Variants in GALNTL6 observed in about 807,000 individuals in gnomAD.
GALNTL6 encodes the protein polypeptide N-acetylgalactosaminyltransferase-like 6.
Under a neutral mutation model 73.7 loss-of-function variants are expected in GALNTL6, and 46 were observed. The observed-to-expected ratio is 0.62, with a 90% CI of 0.49 to 0.80. GALNTL6 has a LOEUF of 0.80. GALNTL6 is among the 30% of genes least tolerant of loss of function. The probability of loss-of-function intolerance (pLI) is 0.00; values close to 1 mark genes in which losing one functional copy is unlikely to be tolerated. For synonymous variants in GALNTL6, 259 were observed against 263.7 expected, an observed-to-expected ratio of 0.98 and a Z score of 0.17; for missense variants, 604 against 755.0, an observed-to-expected ratio of 0.80 and a Z score of 2.34.
At chr4:172,602,982 T>G (rs976465668) in intron 5 of GALNTL6, among the ~76,000 whole-genome samples, 2 of 152,188 alleles carry the variant, frequency 1.3e-5, no homozygotes, top group Non-Finnish European at 2.9e-5. Context: ...GAGTTACTCA[T>G]AATGTTTCAT....
At chr4:171,921,600 G>T (rs1215375429) in intron 2 of GALNTL6, among the ~76,000 whole-genome samples, 1 of 152,066 alleles carries the variant, frequency 6.6e-6, no homozygotes, top group Non-Finnish European at 1.5e-5. Flanking sequence ...CTAGGGAAAA[G>T]CTGCAGAAAT....
intron 12 of GALNTL6, among the ~76,000 whole-genome samples, chr4:173,032,804 A>G (rs1579806865): frequency 1.3e-5 from 2 of 152,020 alleles, no homozygotes; most frequent in African/African-American, 4.8e-5. Flanking sequence ...GCAGGCATCT[A>G]ACACATCAGG....
chr4:172,182,660 G>GT (rs1435265856), intron 2 of GALNTL6, among the ~76,000 whole-genome samples: 2 of 151,454 alleles, frequency 1.3e-5, no homozygotes, highest in Non-Finnish European at 2.9e-5. Context: ...TTTCTAGGGG[G>GT]GAGTAAAAAT....
intron 5 of GALNTL6, among the ~76,000 whole-genome samples, chr4:172,804,690 C>T (rs1740850879): frequency 6.6e-6 from 1 of 152,174 alleles, no homozygotes; most frequent in Non-Finnish European, 1.5e-5. Context: ...GGAACAATCC[C>T]TCAAAGCTTT....
chr4:172,516,965 G>A (rs941002435), intron 5 of GALNTL6, among the ~76,000 whole-genome samples: 4 of 152,098 alleles, frequency 2.6e-5, no homozygotes, highest in African/African-American at 9.7e-5. Context: ...ACTTATGTGA[G>A]GTATCTACAG....
chr4:172,751,359 G>A (rs1737411053), intron 5 of GALNTL6, among the ~76,000 whole-genome samples: 1 of 152,178 alleles, frequency 6.6e-6, no homozygotes, highest in South Asian at 2.1e-4. Context: ...TATTGAGGTG[G>A]TGGGTAACCA....
intron 5 of GALNTL6, among the ~76,000 whole-genome samples, chr4:172,533,554 A>G (rs1289905806): frequency 6.6e-6 from 1 of 151,594 alleles, no homozygotes; most frequent in East Asian, 2.0e-4. Flanking sequence ...TGAACTCCTT[A>G]CTTCATGATC....
chr4:172,500,797 T>C (rs1484873211), intron 5 of GALNTL6, among the ~76,000 whole-genome samples: 1 of 152,190 alleles, frequency 6.6e-6, no homozygotes, highest in African/African-American at 2.4e-5. Flanking sequence ...AGAATATCCT[T>C]ATGAGTGTCT....
intron 2 of GALNTL6, among the ~76,000 whole-genome samples, chr4:172,140,381 GATA>G (rs1733769047): frequency 6.6e-6 from 1 of 151,934 alleles, no homozygotes; most frequent in Non-Finnish European, 1.5e-5. Context: ...TCCTCTCACA[GATA>G]ATATCAGAAA....
intron 5 of GALNTL6, among the ~76,000 whole-genome samples, chr4:172,463,460 C>G (rs1489170798): frequency 6.6e-6 from 1 of 151,916 alleles, no homozygotes; most frequent in Admixed American, 6.6e-5. Flanking sequence ...AAGTGAAATA[C>G]GCTTAGAATA....
intron 2 of GALNTL6, among the ~76,000 whole-genome samples, chr4:171,974,142 G>A (rs1271201832): frequency 6.6e-6 from 1 of 152,090 alleles, no homozygotes; most frequent in Non-Finnish European, 1.5e-5. Context: ...TGGGACTACA[G>A]GCAAGTGCCA....
intron 4 of GALNTL6, among the ~76,000 whole-genome samples, chr4:172,316,446 A>G (rs1445914678): frequency 6.6e-6 from 1 of 152,208 alleles, no homozygotes; most frequent in Non-Finnish European, 1.5e-5. Context: ...TTATATCACT[A>G]ATATTACCCA....
intron 11 of GALNTL6, among the ~76,000 whole-genome samples, chr4:173,015,271 G>A (rs766925372): frequency 6.6e-6 from 1 of 152,174 alleles, no homozygotes; most frequent in Non-Finnish European, 1.5e-5. Context: ...GTAGGGTAGG[G>A]TGCTGCTATA....
chr4:172,223,530 C>A (rs915703154), intron 2 of GALNTL6, among the ~76,000 whole-genome samples: 6 of 151,918 alleles, frequency 3.9e-5, no homozygotes, highest in African/African-American at 1.2e-4. Flanking sequence ...AGTTCAGAGA[C>A]CTGTGTATTA....
chr4:172,546,786 A>ATATATATATACGTATATATATACG (rs767223675), intron 5 of GALNTL6, among the ~76,000 whole-genome samples: 4 of 9,850 alleles, frequency 4.1e-4, no homozygotes, highest in East Asian at 3.4e-3. Context: ...ACTCCGCTTT[A>ATATATATATACGTATATATATACG]TATATATATA....
chr4:171,881,092 T>G (rs1406034281), intron 2 of GALNTL6, among the ~76,000 whole-genome samples: 3 of 152,096 alleles, frequency 2.0e-5, no homozygotes, highest in Non-Finnish European at 4.4e-5. Flanking sequence ...TCTATCCCTT[T>G]TCAGTTTCAT....
chr4:172,022,715 C>T (rs1741443769), intron 2 of GALNTL6, among the ~76,000 whole-genome samples: 1 of 151,948 alleles, frequency 6.6e-6, no homozygotes, highest in South Asian at 2.1e-4. Context: ...AAAAACCCTC[C>T]ATTCCTTGGT....
Position 172,151,865 on chromosome 4 carries a change from C to G in GALNTL6, c.139-77791C>G, listed in dbSNP as rs1039277243. Among the ~76,000 whole-genome samples, 9 of 150,748 alleles carry G rather than the reference C, an allele frequency of 6.0e-5. No individual in the cohort carries two copies. The East Asian group carries it at 1.7e-3, about 29-fold the overall frequency. On this transcript the variant is annotated intron_variant, in intron 2 of 12. Transcript: ENST00000506823. ...TACCTCTTATGCCTACATGCCTTTT[C>G]CATATATATATATTTTATACATTTA...
chr4:171,829,554 T>C (rs554684766), intron 2 of GALNTL6, among the ~76,000 whole-genome samples: 2 of 152,210 alleles, frequency 1.3e-5, no homozygotes, highest in Non-Finnish European at 2.9e-5. Context: ...TCATACTTTT[T>C]CCCCCTGGAA....
Sources: gnomAD v4.1 joint callset for allele counts (sites outside exome capture counted in the v4.1 genomes callset) on GRCh38, gnomAD v4.1.1 for gene constraint, MANE v1.5 for transcripts, NCBI Gene and HGNC (gene_info 2026-07-23, HGNC 2026-07-21) for gene names.